The following DESI1 variants were observed in gnomAD, a reference collection of about 807,000 sequenced individuals.
DESI1 encodes desumoylating isopeptidase 1.
In DESI1, 17 loss-of-function variants were observed where a neutral mutation model predicts 22.4. The observed-to-expected ratio is 0.76, with a 90% CI of 0.52 to 1.14. The LOEUF (loss-of-function observed/expected upper bound fraction) is 1.14. Among genes scored for constraint, DESI1 ranks in the 50% most tolerant of loss-of-function variants. The pLI is 0.00. For missense variants in DESI1, 177 were observed against 208.9 expected, an observed-to-expected ratio of 0.85 and a Z score of 0.94; for synonymous variants, 92 against 84.2, an observed-to-expected ratio of 1.09 and a Z score of -0.51.
At chr22:41,603,036 G>A (rs1448787532) in intron 5 of DESI1, 23 of 700,928 alleles carry the variant, frequency 3.3e-5, no homozygotes, top group Admixed American at 1.6e-4. Context: ...AAGTTCTGTG[G>A]TTGCACTTAG....
chr22:41,611,893 T>C (rs1228236243), intron 1 of DESI1, among the ~76,000 whole-genome samples: 3 of 152,124 alleles, frequency 2.0e-5, no homozygotes, highest in East Asian at 3.9e-4. Context: ...GCCTGGCCCC[T>C]GTTCCTTTCA....
chr22:41,607,361 AG>A, intron 2 of DESI1, 30 bp from the exon 3 acceptor site: 1 of 1,584,564 alleles, frequency 6.3e-7, no homozygotes, highest in South Asian at 1.1e-5. Flanking sequence ...ACAGTAAGCC[AG>A]AAAACTTAAA....
chr22:41,601,001 G>T lies in DESI1; in HGVS notation c.*96C>A. On this transcript the variant is annotated 3_prime_UTR_variant, in exon 6 of 6. Coordinates refer to ENST00000263256, the MANE Select transcript of DESI1 (RefSeq NM_015704.3). ...TTAAAAAGCCGTCCCCTGGTTGTTA[G>T]CTCTGATGTAAAATTATAAAATAGA... 8.6e-7 allele frequency: 1 copy of T among 1,162,942 alleles called. No individual in the cohort carries two copies. The highest frequency in any genetic ancestry group is 1.2e-6 in the Non-Finnish European group (1 of 800,918). The allele number at this position is 1,162,942 out of a possible 1,614,324, so 72.0% of individuals were successfully genotyped here.
chr22:41,612,967 T>C (rs2067527407), intron 1 of DESI1, among the ~76,000 whole-genome samples: 1 of 152,012 alleles, frequency 6.6e-6, no homozygotes, highest in South Asian at 2.1e-4. Context: ...GAAGTTAGAA[T>C]GGGTGAGGAG....
rs1258449094 is a variant in DESI1, at chr22:41,598,490, C to A, written c.*2607G>T. The A allele has an allele frequency of 1.3e-5, 2 of 152,250 alleles. No individual in the cohort carries two copies. Among genetic ancestry groups the A allele is most frequent in the Non-Finnish European group, 2.9e-5 (2 of 68,086 alleles). The allele number at this position is 152,250 out of a possible 1,614,324, so 9.4% of individuals were successfully genotyped here. On this transcript the variant is annotated 3_prime_UTR_variant, in exon 6 of 6. Transcript: ENST00000263256. ...CTCTCTCCCCACAAACCCTAGGGCA[C>A]AGGCAATGGCACAAATGGCTGCTAG...
intron 1 of DESI1, among the ~76,000 whole-genome samples, chr22:41,612,514 GA>G (rs132766): frequency 0.013 from 1,698 of 134,350 alleles, 32 homozygotes; most frequent in African/African-American, 0.046. Flanking sequence ...CTCAAAAAAA[GA>G]AAAAAAAAAA....
chr22:41,598,657 G>C lies in DESI1; in HGVS notation c.*2440C>G, dbSNP rs1383984004. The C allele has an allele frequency of 1.3e-5, 2 of 152,476 alleles. No homozygotes were observed. The highest frequency in any genetic ancestry group is 3.8e-4 in the East Asian group (2 of 5,206). 9.4% of individuals were successfully genotyped at this position (152,476 alleles called of 1,614,324 possible). A position where few individuals can be genotyped will look rare whatever the true frequency, so the allele number is the denominator to read the frequency against. On this transcript the variant is annotated 3_prime_UTR_variant, in exon 6 of 6. Coordinates refer to ENST00000263256, the MANE Select transcript of DESI1 (RefSeq NM_015704.3). Reference sequence around the variant, plus strand: ...AGGAGAAAGGAAAAAAAGGAGCTGTGATGCCCAGAACCCCCTGGATGGAGG... The same window carrying C: ...AGGAGAAAGGAAAAAAAGGAGCTGTCATGCCCAGAACCCCCTGGATGGAGG...
intron 1 of DESI1, among the ~76,000 whole-genome samples, chr22:41,613,119 A>T (rs1477114416): frequency 6.6e-6 from 1 of 152,230 alleles, no homozygotes; most frequent in East Asian, 1.9e-4. Flanking sequence ...GCACAAATTC[A>T]GTCCCTCAGT....
intron 3 of DESI1, among the ~76,000 whole-genome samples, chr22:41,605,765 A>AGT (rs1465321743): frequency 3.9e-5 from 6 of 152,202 alleles, no homozygotes; most frequent in Non-Finnish European, 8.8e-5. Context: ...CCCCTTAACC[A>AGT]GTATATAATT....
intron 1 of DESI1, among the ~76,000 whole-genome samples, chr22:41,616,300 T>C (rs557541633): frequency 2.7e-4 from 41 of 152,328 alleles, no homozygotes; most frequent in African/African-American, 9.4e-4. Context: ...ATTTCATTAC[T>C]ATTTGTACTA....
At chr22:41,608,946 G>A (rs1340507573) in intron 1 of DESI1, among the ~76,000 whole-genome samples, 1 of 152,080 alleles carries the variant, frequency 6.6e-6, no homozygotes, top group Non-Finnish European at 1.5e-5. Flanking sequence ...TTTGCCCTGT[G>A]CCTTTCTTTT....
rs1026707073 is a variant in DESI1, at chr22:41,620,954, C to T, written c.-115G>A. The stretch of plus-strand genomic sequence containing the variant: ...GGGAGAGGGGGGGACCGAGCCCGGG[C>T]CCGGGCTGAGGGGTGGGGGAGAGGC... On this transcript the variant is annotated 5_prime_UTR_variant, in exon 1 of 6. Transcript: ENST00000263256. The T allele has an allele frequency of 8.2e-7, 1 of 1,215,124 alleles. No homozygotes were observed. Among genetic ancestry groups the T allele is most frequent in the Non-Finnish European group, 1.1e-6 (1 of 872,464 alleles). The allele number at this position is 1,215,124 out of a possible 1,614,324, so 75.3% of individuals were successfully genotyped here.
At chr22:41,605,186 G>A (rs116273785) in intron 3 of DESI1, among the ~76,000 whole-genome samples, 3 of 152,146 alleles carry the variant, frequency 2.0e-5, no homozygotes, top group Non-Finnish European at 2.9e-5. Flanking sequence ...AAACGAGGAC[G>A]GTGAGAAATC....
chr22:41,615,155 C>T (rs553682811), intron 1 of DESI1, among the ~76,000 whole-genome samples: 1 of 138,568 alleles, frequency 7.2e-6, no homozygotes, highest in Admixed American at 7.3e-5. Context: ...ACAGGCCGGG[C>T]GCGGTGGCTC....
intron 3 of DESI1, 136 bp from the exon 4 acceptor site, chr22:41,604,289 C>T (rs1187317760): frequency 3.0e-6 from 2 of 673,414 alleles, no homozygotes; most frequent in East Asian, 3.3e-5. Flanking sequence ...GAGTTTCTCT[C>T]GTCACCCAGG....
chr22:41,617,884 A>G (rs2067559982), intron 1 of DESI1, among the ~76,000 whole-genome samples: 1 of 152,150 alleles, frequency 6.6e-6, no homozygotes. Context: ...TTCACCCACT[A>G]CACTCCACAA....
At chr22:41,619,491 A>G (rs1224591411) in intron 1 of DESI1, among the ~76,000 whole-genome samples, 1 of 152,236 alleles carries the variant, frequency 6.6e-6, no homozygotes, top group Non-Finnish European at 1.5e-5. Flanking sequence ...CTTACGGATA[A>G]TTATTTGCCT....
chr22:41,608,222 T>C (rs1216555417), intron 1 of DESI1, among the ~76,000 whole-genome samples: 1 of 152,248 alleles, frequency 6.6e-6, no homozygotes, highest in South Asian at 2.1e-4. Context: ...CATTTCTTCA[T>C]TGAGGTGAAA....
intron 5 of DESI1, 170 bp downstream of exon 5, chr22:41,603,089 A>G (rs1013359498): frequency 2.1e-6 from 2 of 960,748 alleles, no homozygotes; most frequent in African/African-American, 1.6e-5. Context: ...GAGGTAATAC[A>G]GGTGCGCATC....
Sources: allele counts gnomAD v4.1 joint callset (sites outside exome capture counted in the v4.1 genomes callset), GRCh38; gene constraint gnomAD v4.1.1; transcripts MANE v1.5; gene names NCBI Gene and HGNC (gene_info 2026-07-23, HGNC 2026-07-21).